Variants in RERE observed in about 807,000 individuals in gnomAD.
RERE encodes the protein arginine-glutamic acid dipeptide repeats protein.
A neutral mutation model predicts 146.1 loss-of-function variants in RERE; 40 were observed. The ratio of observed to expected loss-of-function variants is 0.27; its 90% CI spans 0.21 to 0.36. RERE has a LOEUF of 0.36. RERE is among the 10% of genes least tolerant of loss of function. The pLI, the probability that RERE is intolerant of heterozygous loss-of-function variation, is 1.00. For missense variants in RERE, 1,933 were observed against 2,138.7 expected (o/e 0.90, Z 1.90); for synonymous variants, 1,003 against 866.0 (o/e 1.16, Z -2.78).
chr1:8,369,508 TAAAAAAAAAAAAAA>T (rs1186718390), intron 12 of RERE, among the ~76,000 whole-genome samples: 4,751 of 77,160 alleles, frequency 0.062, 344 homozygotes, highest in African/African-American at 0.19. Flanking sequence ...CGCCTTTTAC[TAAAAAAAAAAAAAA>T]AAAAAAAAAA....
At position 8,495,059 on chromosome 1, in the gene RERE, T is replaced by C. The variant is rs1557657618; in HGVS notation, c.1104+4A>G. 6.2e-7 allele frequency: 1 copy of C among 1,605,504 alleles called. No individual in the cohort carries two copies. Among genetic ancestry groups the C allele is most frequent in the Admixed American group, 1.7e-5 (1 of 60,016 alleles). Reference sequence around the variant, plus strand: ...CCCACTCAGGGTGACTTCAAAAGACTTACTGTGTTCAGTGCATTCAGAGTG... The same window carrying C: ...CCCACTCAGGGTGACTTCAAAAGACCTACTGTGTTCAGTGCATTCAGAGTG... On this transcript the variant is annotated splice_donor_region_variant and intron_variant, in intron 10 of 22. Coordinates refer to ENST00000400908, the MANE Select transcript of RERE (RefSeq NM_001042681.2).
chr1:8,668,545 C>T (rs758848027), intron 1 of RERE, among the ~76,000 whole-genome samples: 16 of 151,970 alleles, frequency 1.1e-4, no homozygotes, highest in Non-Finnish European at 1.9e-4. Context: ...AAACAGAAAA[C>T]CAAGTGGAAA....
chr1:8,806,094 C>T (rs757372435), intron 1 of RERE, among the ~76,000 whole-genome samples: 24 of 151,974 alleles, frequency 1.6e-4, no homozygotes, highest in African/African-American at 5.3e-4. Context: ...TCAGGCAATC[C>T]GCCCGTGTTG....
At chr1:8,556,100 C>G (rs924441885) in intron 6 of RERE, among the ~76,000 whole-genome samples, 12 of 152,012 alleles carry the variant, frequency 7.9e-5, no homozygotes, top group African/African-American at 2.9e-4. Flanking sequence ...TTTTTCCCAC[C>G]TCAGCTTCCC....
At chr1:8,703,654 A>G (rs1391176757) in intron 1 of RERE, among the ~76,000 whole-genome samples, 3 of 152,238 alleles carry the variant, frequency 2.0e-5, no homozygotes. Flanking sequence ...TAGCGTGGTC[A>G]GCTAGAAAAT....
intron 1 of RERE, among the ~76,000 whole-genome samples, chr1:8,743,535 A>G (rs2124506283): frequency 6.6e-6 from 1 of 151,398 alleles, no homozygotes; most frequent in Non-Finnish European, 1.5e-5. Flanking sequence ...TGCTGGGATT[A>G]CAGGCGTGAA....
chr1:8,669,719 TGGTC>T (rs1638671316), intron 1 of RERE, among the ~76,000 whole-genome samples: 2 of 152,222 alleles, frequency 1.3e-5, no homozygotes, highest in South Asian at 4.1e-4. Flanking sequence ...CAGGAATTCT[TGGTC>T]AGGCTTACTA....
rs1346524702 is a variant in RERE at position 8,423,676 on chromosome 1, C to T, written c.1204-869G>A. 12 of 983,716 alleles carry T rather than the reference C, an allele frequency of 1.2e-5. No individual in the cohort carries two copies. The highest frequency in any genetic ancestry group is 6.2e-5 in the Admixed American group (1 of 16,094). The allele number at this position is 983,716 out of a possible 1,614,324, so 60.9% of individuals were successfully genotyped here. A position where few individuals can be genotyped will look rare whatever the true frequency, so the allele number is the denominator to read the frequency against. On this transcript the variant is annotated intron_variant, in intron 11 of 22. Coordinates refer to ENST00000400908, the MANE Select transcript of RERE (RefSeq NM_001042681.2). This position sits in a 1 kb window ranked among gnomAD's most constrained non-coding sequence, Gnocchi z 5.4. The stretch of plus-strand genomic sequence containing the variant: ...CACTGGGCTCCGGCTCCACAAAGCG[C>T]AGGGCGGAGGCGGCCGCGGGTGGCT...
chr1:8,526,524 T>C (rs762216085), intron 7 of RERE, among the ~76,000 whole-genome samples: 2 of 152,190 alleles, frequency 1.3e-5, no homozygotes, highest in Admixed American at 6.5e-5. Context: ...TATGGAGTGC[T>C]TGGCCTTGTC....
chr1:8,656,114 C>A lies in RERE; in HGVS notation c.184G>T (p.Asp62Tyr). The A allele has an allele frequency of 2.5e-6, 4 of 1,614,104 alleles. No homozygotes were observed. The highest frequency in any genetic ancestry group is 3.4e-6 in the Non-Finnish European group (4 of 1,179,988). Reference sequence around the variant, plus strand: ...TCCTCTGCGGTGGCACTATTGTTGTCATTGTCCTCGTCTTCACTGTGATCA... The same window carrying A: ...TCCTCTGCGGTGGCACTATTGTTGTAATTGTCCTCGTCTTCACTGTGATCA... ...ESDHSEDEDN[D>Y]NNSATAEEST... Residue 62 changes from aspartate (D) to tyrosine (Y), a missense_variant, in exon 2 of 23, where the codon GAC becomes TAC. Physicochemically the swap from Asp to Tyr is radical, Grantham distance 160. Around this residue, in one of 11 missense-constraint regions of RERE, gnomAD observed 107 missense variants for 119.7 expected, o/e 0.89. Transcript: ENST00000400908.
intron 1 of RERE, among the ~76,000 whole-genome samples, chr1:8,716,623 AT>A (rs1444312589): frequency 2.0e-5 from 3 of 152,288 alleles, no homozygotes; most frequent in Middle Eastern, 3.4e-3. Context: ...ACAAAAAAAA[AT>A]AAACAGTACA....
intron 8 of RERE, among the ~76,000 whole-genome samples, chr1:8,504,457 AAAGAT>A (rs1645222457): frequency 1.3e-5 from 2 of 152,222 alleles, no homozygotes; most frequent in South Asian, 4.1e-4. Context: ...GTAACCATGG[AAAGAT>A]AAGGGTGAAG....
chr1:8,360,421 GCCACCTGGTGGA>G lies in RERE; in HGVS notation c.3074_3085del (p.Leu1025_Ala1029delinsPro). 1 of 557,634 alleles carries G rather than the reference GCCACCTGGTGGA, an allele frequency of 1.8e-6. No individual in the cohort carries two copies. The highest frequency in any genetic ancestry group is 2.4e-6 in the Non-Finnish European group (1 of 417,352). 34.5% of individuals were successfully genotyped at this position (557,634 alleles called of 1,614,324 possible). ...GTGCTGAGCAAACGGGGGTTGGGGG[GCCACCTGGTGGA>G]GGCCTGTAGGGGGGTGGGAGGCAGG... On this transcript the variant is annotated inframe_deletion, in exon 18 of 23. Coordinates refer to ENST00000400908, the MANE Select transcript of RERE (RefSeq NM_001042681.2).
In RERE at chr1:8,361,381, C is replaced by T. The variant is rs761742848; in HGVS notation, c.2126G>A (p.Arg709His). ...GCTGGGGATGCTCGGGGACGTGCTG[C>T]GATTGTCCTGGTCGATGTCTTTGGG... ...SDPKDIDQDN[R>H]STSPSIPSPQ... Residue 709 changes from arginine (R) to histidine (H), a missense_variant, in exon 18 of 23, where the codon CGC becomes CAC. Transcript: ENST00000400908. 4 of 1,613,762 alleles carry T rather than the reference C, an allele frequency of 2.5e-6. No individual in the cohort carries two copies. The highest frequency in any genetic ancestry group is 1.3e-5 in the African/African-American group (1 of 74,984).
chr1:8,585,215 GA>G (rs1435293284), intron 4 of RERE, among the ~76,000 whole-genome samples: 3 of 151,424 alleles, frequency 2.0e-5, no homozygotes, highest in Non-Finnish European at 4.4e-5. Flanking sequence ...TTGAGAACCA[GA>G]AATCTGTCTG....
chr1:8,641,739 T>C (rs891637493), intron 2 of RERE, among the ~76,000 whole-genome samples: 1 of 152,206 alleles, frequency 6.6e-6, no homozygotes, highest in Non-Finnish European at 1.5e-5. Flanking sequence ...ATCATACAAC[T>C]GTGAGGCAGT....
intron 4 of RERE, among the ~76,000 whole-genome samples, chr1:8,558,197 T>C (rs752090693): frequency 5.3e-5 from 8 of 152,254 alleles, no homozygotes; most frequent in Non-Finnish European, 8.8e-5. Context: ...AAGAATTTTA[T>C]GATTATCACA....
At chr1:8,601,776 CAA>C (rs1491282598) in intron 4 of RERE, among the ~76,000 whole-genome samples, 65 of 145,810 alleles carry the variant, frequency 4.5e-4, no homozygotes, top group African/African-American at 1.4e-3. Flanking sequence ...CACACACACA[CAA>C]ACACACACAC....
intron 12 of RERE, among the ~76,000 whole-genome samples, chr1:8,400,220 A>ATGTGTGTGTGTGTGTG: frequency 2.9e-5 from 1 of 33,916 alleles, no homozygotes; most frequent in South Asian, 1.6e-3. Flanking sequence ...TTCCTGTGTC[A>ATGTGTGTGTGTGTGTG]TATGTGTGTG....
Sources: allele counts gnomAD v4.1 joint callset (sites outside exome capture counted in the v4.1 genomes callset), GRCh38; gene constraint gnomAD v4.1.1; regional missense constraint gnomAD v4.1.1; non-coding constraint Gnocchi (gnomAD v3.1); transcripts MANE v1.5; gene names NCBI Gene and HGNC (gene_info 2026-07-23, HGNC 2026-07-21).